The following SLIT3 variants were observed in gnomAD, a reference collection of about 807,000 sequenced individuals.
The protein encoded by SLIT3 is slit guidance ligand 3.
A neutral mutation model predicts 184.0 loss-of-function variants in SLIT3; 68 were observed. The ratio of observed to expected loss-of-function variants is 0.37; its 90% CI spans 0.30 to 0.45. The LOEUF is 0.45. SLIT3 is among the 20% of genes least tolerant of loss of function. The pLI, the probability that SLIT3 is intolerant of heterozygous loss-of-function variation, is 1.00. For synonymous variants in SLIT3, 831 were observed against 828.6 expected, an observed-to-expected ratio of 1.00 and a Z score of -0.05; for missense variants, 1,707 against 2,026.0, an observed-to-expected ratio of 0.84 and a Z score of 3.02.
In SLIT3 at chr5:168,956,650, T is replaced by C. The variant is rs573500464; in HGVS notation, c.414-73314A>G. ...CTCTACTAAAAACACAAAAATTAGC[T>C]GGCCGTGGTGGCGGGCGCCTGTAGT... On this transcript the variant is annotated intron_variant, in intron 4 of 35. Coordinates refer to ENST00000519560, the MANE Select transcript of SLIT3 (RefSeq NM_003062.4). Among the ~76,000 whole-genome samples the C allele has an allele frequency of 1.7e-3, 251 of 151,962 alleles. 2 individuals carry two copies. Among genetic ancestry groups the C allele is most frequent in the Non-Finnish European group, 2.8e-3 (188 of 67,956 alleles).
At chr5:168,783,608 G>A (rs1397677684) in intron 12 of SLIT3, among the ~76,000 whole-genome samples, 1 of 152,226 alleles carries the variant, frequency 6.6e-6, no homozygotes, top group Non-Finnish European at 1.5e-5. Context: ...CTCTCACAAA[G>A]AGACTCTGAG....
chr5:169,260,175 G>A (rs550692975), intron 1 of SLIT3, among the ~76,000 whole-genome samples: 1 of 152,164 alleles, frequency 6.6e-6, no homozygotes, highest in South Asian at 2.1e-4. Context: ...ATCCCATAGT[G>A]TGATTTGAGG....
rs1767643091 is a variant in SLIT3, at chr5:169,300,309, C to T, written c.197+204G>A. Among the ~76,000 whole-genome samples, 1 of 152,220 alleles carries T rather than the reference C, an allele frequency of 6.6e-6. No individual in the cohort carries two copies. Among genetic ancestry groups the T allele is most frequent in the Non-Finnish European group, 1.5e-5 (1 of 68,046 alleles). On this transcript the variant is annotated intron_variant, in intron 1 of 35. Coordinates refer to ENST00000519560, the MANE Select transcript of SLIT3 (RefSeq NM_003062.4). The surrounding 1 kb of genome is among the most constrained non-coding windows in gnomAD (Gnocchi z 4.1). Reference sequence around the variant, plus strand: ...TGGAGAGGCACTGCTCTTTGCCCATCGCTGGGGGTTTCGAGACCTCTCTTT... The same window carrying T: ...TGGAGAGGCACTGCTCTTTGCCCATTGCTGGGGGTTTCGAGACCTCTCTTT...
At chr5:169,020,853 A>T (rs1259272514) in intron 4 of SLIT3, among the ~76,000 whole-genome samples, 4 of 152,190 alleles carry the variant, frequency 2.6e-5, no homozygotes, top group Admixed American at 1.3e-4. Flanking sequence ...CACATAATGA[A>T]TTTGTCTTCC....
intron 5 of SLIT3, among the ~76,000 whole-genome samples, chr5:168,854,933 C>T (rs1758808512): frequency 6.6e-6 from 1 of 152,236 alleles, no homozygotes; most frequent in Non-Finnish European, 1.5e-5. Context: ...CATCAAAACT[C>T]AGCAGCACGT....
At chr5:169,128,665 A>G (rs1387825800) in intron 4 of SLIT3, among the ~76,000 whole-genome samples, 2 of 152,146 alleles carry the variant, frequency 1.3e-5, no homozygotes, top group East Asian at 1.9e-4. Context: ...CCAGACCTCA[A>G]GTGATCCACC....
chr5:169,231,666 A>G (rs372400461), intron 3 of SLIT3, among the ~76,000 whole-genome samples: 2 of 152,214 alleles, frequency 1.3e-5, no homozygotes, highest in Admixed American at 6.5e-5. Flanking sequence ...TAGTGCTGAT[A>G]TGAACATTCC....
intron 4 of SLIT3, among the ~76,000 whole-genome samples, chr5:168,992,848 G>T (rs1755376814): frequency 1.3e-5 from 2 of 152,306 alleles, no homozygotes; most frequent in South Asian, 4.1e-4. Context: ...TCAAATCCCA[G>T]GTGCATTAGC....
chr5:169,254,406 A>G (rs1765879688), intron 1 of SLIT3, among the ~76,000 whole-genome samples: 1 of 151,822 alleles, frequency 6.6e-6, no homozygotes, highest in African/African-American at 2.4e-5. Flanking sequence ...GTGATCCTGG[A>G]TGGGGGCCAA....
At chr5:168,757,904 T>G (rs997249501) in intron 16 of SLIT3, among the ~76,000 whole-genome samples, 13 of 152,246 alleles carry the variant, frequency 8.5e-5, no homozygotes, top group Admixed American at 5.9e-4. Context: ...TTTATTTCTA[T>G]TATGTAAATG....
intron 5 of SLIT3, 73 bp downstream of exon 5, chr5:168,883,192 T>TC: frequency 8.2e-7 from 1 of 1,217,418 alleles, no homozygotes. Context: ...TCTTGTCCCA[T>TC]CCCTCACCCT....
chr5:168,820,014 TGGGTA>T (rs2113662945), intron 7 of SLIT3, among the ~76,000 whole-genome samples: 1 of 152,310 alleles, frequency 6.6e-6, no homozygotes, highest in Non-Finnish European at 1.5e-5. Context: ...AGAGTCAAGC[TGGGTA>T]GATTCTTGCC....
At chr5:169,209,476 T>C (rs1457415278) in intron 3 of SLIT3, among the ~76,000 whole-genome samples, 1 of 152,164 alleles carries the variant, frequency 6.6e-6, no homozygotes, top group Non-Finnish European at 1.5e-5. Context: ...ATCATTCAAC[T>C]ATAAAGACAC....
chr5:168,917,848 C>A (rs899175826), intron 4 of SLIT3, among the ~76,000 whole-genome samples: 2 of 152,206 alleles, frequency 1.3e-5, no homozygotes, highest in African/African-American at 4.8e-5. Context: ...CAAGCTAATA[C>A]AATCTTCTCT....
chr5:168,866,238 G>A (rs939496342), intron 5 of SLIT3, among the ~76,000 whole-genome samples: 1 of 152,202 alleles, frequency 6.6e-6, no homozygotes, highest in East Asian at 1.9e-4. Context: ...CACTCACAGG[G>A]AGAAACTCAA....
At chr5:168,947,282 G>T (rs535948243) in intron 4 of SLIT3, among the ~76,000 whole-genome samples, 1 of 152,288 alleles carries the variant, frequency 6.6e-6, no homozygotes, top group South Asian at 2.1e-4. Context: ...GGAACATTTG[G>T]GCTGATGCTG....
At chr5:169,041,822 T>G (rs1323540128) in intron 4 of SLIT3, among the ~76,000 whole-genome samples, 1 of 152,194 alleles carries the variant, frequency 6.6e-6, no homozygotes, top group Admixed American at 6.5e-5. Context: ...AAGTCAGTAC[T>G]TTCCACTTCT....
intron 4 of SLIT3, among the ~76,000 whole-genome samples, chr5:168,938,435 C>A (rs1762227707): frequency 6.6e-6 from 1 of 152,190 alleles, no homozygotes; most frequent in African/African-American, 2.4e-5. Context: ...TTGCCTGGTA[C>A]TGAGAAAGTG....
intron 4 of SLIT3, among the ~76,000 whole-genome samples, chr5:168,964,851 T>C (rs778486211): frequency 1.3e-5 from 2 of 152,144 alleles, no homozygotes; most frequent in Non-Finnish European, 2.9e-5. Context: ...GCAAAATACA[T>C]TTCCTGATGC....
Sources: allele counts gnomAD v4.1 joint callset (sites outside exome capture counted in the v4.1 genomes callset), GRCh38; gene constraint gnomAD v4.1.1; non-coding constraint Gnocchi (gnomAD v3.1); transcripts MANE v1.5; gene names NCBI Gene and HGNC (gene_info 2026-07-23, HGNC 2026-07-21).